Variants in TMCC3 observed in about 807,000 individuals in gnomAD.
The protein encoded by TMCC3 is transmembrane and coiled-coil domain protein 3.
A neutral mutation model predicts 40.2 loss-of-function variants in TMCC3; 28 were observed. That is an observed-to-expected ratio of 0.70 (90% confidence interval 0.52 to 0.95). The LOEUF is 0.95. Among genes scored for constraint, TMCC3 ranks in the 40% least tolerant of loss-of-function variants. The pLI is 0.00. For synonymous variants in TMCC3, 255 were observed against 248.5 expected (o/e 1.03, Z -0.25); for missense variants, 554 against 615.2 (o/e 0.90, Z 1.05).
Position 94,626,225 on chromosome 12 carries a change from C to T in TMCC3, c.78+24128G>A, listed in dbSNP as rs376630350. ...TCGCCCCCATAATCCAATCACTTCCCTCCCTCGACATGTGGGGATTACAAT... is the reference window on the plus strand; with the variant it reads ...TCGCCCCCATAATCCAATCACTTCCTTCCCTCGACATGTGGGGATTACAAT... On this transcript the variant is annotated intron_variant, in intron 1 of 3. Transcript: ENST00000261226. 2.1e-4 allele frequency among the ~76,000 whole-genome samples: 32 copies of T among 152,320 alleles called. 1 individual carries two copies. The highest frequency in any genetic ancestry group is 7.5e-4 in the African/African-American group (31 of 41,560).
chr12:94,586,403 C>A (rs2068638514), intron 1 of TMCC3, among the ~76,000 whole-genome samples: 1 of 152,222 alleles, frequency 6.6e-6, no homozygotes, highest in African/African-American at 2.4e-5. Context: ...CAACCATGAT[C>A]CTCACTTCAA....
chr12:94,619,894 T>C (rs532723924), intron 1 of TMCC3, among the ~76,000 whole-genome samples: 1 of 152,336 alleles, frequency 6.6e-6, no homozygotes, highest in African/African-American at 2.4e-5. Flanking sequence ...CCAGGCGCAG[T>C]AGCTCACGCC....
intron 1 of TMCC3, among the ~76,000 whole-genome samples, chr12:94,600,988 C>T (rs2068748985): frequency 6.6e-6 from 1 of 152,096 alleles, no homozygotes. Context: ...AATGAGACAT[C>T]CAAGAAAGAA....
chr12:94,582,254 T>C lies in TMCC3; in HGVS notation c.363A>G (p.Lys121=), dbSNP rs2068608154. ...IKQVFEKKNQ[K]SAHSIAQLQK... is the part of the protein sequence containing the mutation. ...GCAGCTGGGCGATGGAGTGAGCTGATTTCTGATTCTTCTTCTCAAAGACTT... is the reference window on the plus strand; with the variant it reads ...GCAGCTGGGCGATGGAGTGAGCTGACTTCTGATTCTTCTTCTCAAAGACTT... The change falls in exon 2 of 4, where the codon AAA becomes AAG. Residue 121 remains lysine, a synonymous_variant. Transcript: ENST00000261226. 2 of 1,614,146 alleles carry C rather than the reference T, an allele frequency of 1.2e-6. No homozygotes were observed. The highest frequency in any genetic ancestry group is 1.7e-6 in the Non-Finnish European group (2 of 1,180,038).
At position 94,621,631 on chromosome 12, in the gene TMCC3, A is replaced by G. The variant is rs540264752; in HGVS notation, c.78+28722T>C. The stretch of plus-strand genomic sequence containing the variant: ...TAAACAGGAAAGTTAGGAAACACCA[A>G]TTTAGGTCAAACTCATTTTAAGATA... On this transcript the variant is annotated intron_variant, in intron 1 of 3. Transcript: ENST00000261226. Among the ~76,000 whole-genome samples the G allele has an allele frequency of 3.1e-3, 479 of 152,326 alleles. 8 individuals are homozygous for G. The highest frequency in any genetic ancestry group is 0.011 in the African/African-American group (464 of 41,578).
intron 1 of TMCC3, among the ~76,000 whole-genome samples, chr12:94,646,061 A>C (rs774197190): frequency 9.9e-5 from 15 of 152,236 alleles, no homozygotes; most frequent in Non-Finnish European, 1.3e-4. Flanking sequence ...CAGCACTGGT[A>C]CAAGATCTGT....
At chr12:94,632,640 C>T (rs1360335128) in intron 1 of TMCC3, among the ~76,000 whole-genome samples, 4 of 152,214 alleles carry the variant, frequency 2.6e-5, no homozygotes, top group Non-Finnish European at 5.9e-5. Flanking sequence ...AGCAATGTCA[C>T]TTCCTGGTAT....
rs147847074 is a variant in TMCC3, at chr12:94,602,274, T to C, written c.79-19736A>G. 3.3e-3 allele frequency among the ~76,000 whole-genome samples: 503 copies of C among 152,310 alleles called. 3 individuals are homozygous for C. The highest frequency in any genetic ancestry group is 0.028 in the East Asian group (147 of 5,174). ...TAGCAGAAAGGTATAAGATTAGGGA[T>C]TGGTTTTTTAGTTGCAGAGATCACA... On this transcript the variant is annotated intron_variant, in intron 1 of 3. Transcript: ENST00000261226.
intron 1 of TMCC3, among the ~76,000 whole-genome samples, chr12:94,628,747 G>A (rs1191395623): frequency 2.0e-5 from 3 of 152,200 alleles, no homozygotes; most frequent in African/African-American, 4.8e-5. Flanking sequence ...GACTGGTGGT[G>A]GAGAAATGGG....
At position 94,571,600 on chromosome 12, in the gene TMCC3, A is replaced by G; in HGVS notation, c.1269T>C (p.Thr423=). The G allele has an allele frequency of 6.2e-7, 1 of 1,614,206 alleles. No homozygotes were observed. Among genetic ancestry groups the G allele is most frequent in the Non-Finnish European group, 8.5e-7 (1 of 1,180,036 alleles). ...RCINVILAFM[T]VILVCVSTIA... is the part of the protein sequence containing the mutation. ...TGGTGGACACACACACTAAGATGAC[A>G]GTCATGAAGGCCAGGATCACGTTGA... The change falls in exon 4 of 4, where the codon ACT becomes ACC. Residue 423 remains threonine (T), a synonymous_variant. Transcript: ENST00000261226.
At position 94,604,803 on chromosome 12, in the gene TMCC3, CAAA is replaced by C. The variant is rs11400128; in HGVS notation, c.79-22268_79-22266del. 1.7e-4 allele frequency among the ~76,000 whole-genome samples: 9 copies of C among 53,330 alleles called. No homozygotes were observed. In the South Asian group the frequency reaches 4.6e-3, roughly 27 times the overall value. The allele number at this position is 53,330 out of a possible 152,430, so 35.0% of individuals were successfully genotyped here. A position where few individuals can be genotyped will look rare whatever the true frequency, so the allele number is the denominator to read the frequency against. On this transcript the variant is annotated intron_variant, in intron 1 of 3. Coordinates refer to ENST00000261226, the MANE Select transcript of TMCC3 (RefSeq NM_020698.4). ...TAAGTGACAGAGTGAGACTTCATCT[CAAA>C]AAAAAAAAAAAAAAAAAAGAAGTAA...
chr12:94,638,885 T>C (rs534235286), intron 1 of TMCC3, among the ~76,000 whole-genome samples: 74 of 152,368 alleles, frequency 4.9e-4, no homozygotes, highest in Admixed American at 2.1e-3. Context: ...TCTTTATTTT[T>C]GGACAAGTGC....
At chr12:94,590,828 A>G (rs2068669664) in intron 1 of TMCC3, 3 of 510,128 alleles carry the variant, frequency 5.9e-6, no homozygotes, top group African/African-American at 2.0e-5. Context: ...AACATGGGGG[A>G]CGATGTGCAC....
rs541747319 is a variant in TMCC3, at chr12:94,597,186, G to A, written c.79-14648C>T. 2.5e-4 allele frequency among the ~76,000 whole-genome samples: 37 copies of A among 146,062 alleles called. No homozygotes were observed. The East Asian group carries it at 3.4e-3, about 14-fold the overall frequency. On this transcript the variant is annotated intron_variant, in intron 1 of 3. Transcript: ENST00000261226. ...ATATAAATTAGCCAGGCCTGCTGGC[G>A]TGCCTGTAGTCGCAGCTACTCAGGA...
chr12:94,612,237 G>A (rs1237577413), intron 1 of TMCC3, among the ~76,000 whole-genome samples: 2 of 151,350 alleles, frequency 1.3e-5, no homozygotes, highest in African/African-American at 2.4e-5. Flanking sequence ...TGGGTTTCAA[G>A]CAATCCGCCT....
In TMCC3 at chr12:94,578,450, C is replaced by A; in HGVS notation, c.1075G>T (p.Ala359Ser). Residue 359 changes from alanine (A) to serine (S), a missense_variant, in exon 3 of 4, where the codon GCC (alanine) becomes TCC (serine). Transcript: ENST00000261226. ...HETANLKQEL[A>S]SIEEKVAYQA... is the part of the protein sequence containing the mutation. The stretch of plus-strand genomic sequence containing the variant: ...TAGGCCACCTTCTCCTCAATGCTGG[C>A]CAGCTCCTGCTTCAGGTTGGCTGTC... The A allele has an allele frequency of 6.2e-7, 1 of 1,614,142 alleles. No homozygotes were observed.
At position 94,567,721 on chromosome 12, in the gene TMCC3, C is replaced by G. The variant is rs931574857; in HGVS notation, c.*3714G>C. The G allele has an allele frequency of 4.6e-5, 7 of 152,156 alleles. No individual in the cohort carries two copies. The highest frequency in any genetic ancestry group is 8.8e-5 in the Non-Finnish European group (6 of 68,036). The allele number at this position is 152,156 out of a possible 1,614,324, so 9.4% of individuals were successfully genotyped here. On this transcript the variant is annotated 3_prime_UTR_variant, in exon 4 of 4. Transcript: ENST00000261226. ...TAAGTGGTGCCATTTCTTCCTACCC[C>G]CAGCCCACTCCTCAGAATTACAGAA...
At chr12:94,576,658 T>C (rs2068566909) in intron 3 of TMCC3, among the ~76,000 whole-genome samples, 2 of 152,008 alleles carry the variant, frequency 1.3e-5, no homozygotes, top group African/African-American at 4.8e-5. Flanking sequence ...AAAAAAGTTG[T>C]TTTTAGAGAT....
intron 1 of TMCC3, among the ~76,000 whole-genome samples, chr12:94,649,046 G>A (rs2069036936): frequency 6.6e-6 from 1 of 152,166 alleles, no homozygotes; most frequent in Non-Finnish European, 1.5e-5. Flanking sequence ...ACAGCAAACT[G>A]TTACGAAACT....
Sources: gnomAD v4.1 joint callset for allele counts (sites outside exome capture counted in the v4.1 genomes callset) on GRCh38, gnomAD v4.1.1 for gene constraint, MANE v1.5 for transcripts, NCBI Gene and HGNC (gene_info 2026-07-23, HGNC 2026-07-21) for gene names.